Variants in PCDH7 observed in about 807,000 individuals in gnomAD.
PCDH7 encodes protocadherin-7.
Under a neutral mutation model 58.9 loss-of-function variants are expected in PCDH7, and 17 were observed. The ratio of observed to expected loss-of-function variants is 0.29; its 90% CI spans 0.20 to 0.43. The LOEUF (loss-of-function observed/expected upper bound fraction) is 0.43, where lower values mean the gene tolerates loss of function less well. Among genes scored for constraint, PCDH7 ranks in the 20% least tolerant of loss-of-function variants. The probability of loss-of-function intolerance (pLI) is 1.00; values close to 1 mark genes in which losing one functional copy is unlikely to be tolerated. For missense variants in PCDH7, 1,274 were observed against 1,441.0 expected (o/e 0.88, Z 1.88); for synonymous variants, 664 against 616.4 (o/e 1.08, Z -1.14).
chr4:31,119,256 C>G (rs1288816858), intron 3 of PCDH7, among the ~76,000 whole-genome samples: 2 of 152,038 alleles, frequency 1.3e-5, no homozygotes, highest in African/African-American at 4.8e-5. Context: ...TTACAACCTG[C>G]CCATACCTGT....
At chr4:30,726,161 G>A (rs1714585856) in intron 1 of PCDH7, among the ~76,000 whole-genome samples, 2 of 152,018 alleles carry the variant, frequency 1.3e-5, no homozygotes, top group African/African-American at 4.8e-5. Context: ...TTTTATTGGT[G>A]TTGTAAACAA....
intron 1 of PCDH7, among the ~76,000 whole-genome samples, chr4:30,727,271 A>G (rs919971426): frequency 3.9e-5 from 6 of 151,950 alleles, no homozygotes; most frequent in Non-Finnish European, 1.5e-5. Flanking sequence ...CTTCATGAAA[A>G]TTAGACATTT....
chr4:31,099,775 C>G (rs1471153252), intron 3 of PCDH7, among the ~76,000 whole-genome samples: 2 of 152,078 alleles, frequency 1.3e-5, no homozygotes, highest in African/African-American at 4.8e-5. Context: ...GCTCTTTCCT[C>G]AAACCAGATG....
intron 1 of PCDH7, among the ~76,000 whole-genome samples, chr4:30,812,288 C>T (rs1471596311): frequency 2.6e-5 from 4 of 152,128 alleles, no homozygotes; most frequent in African/African-American, 9.7e-5. Context: ...TCTTCACTTA[C>T]AAGTGATTAT....
intron 3 of PCDH7, among the ~76,000 whole-genome samples, chr4:31,037,804 C>T (rs982275238): frequency 6.6e-6 from 1 of 152,156 alleles, no homozygotes; most frequent in African/African-American, 2.4e-5. Context: ...GTGGTGTGGA[C>T]TTTGCTTTAA....
intron 1 of PCDH7, among the ~76,000 whole-genome samples, chr4:30,853,869 T>C (rs1168595310): frequency 6.6e-6 from 1 of 152,060 alleles, no homozygotes; most frequent in Non-Finnish European, 1.5e-5. Context: ...TCTGAGTAGA[T>C]ATGGAAGAAT....
chr4:30,902,344 C>A (rs1268358458), intron 1 of PCDH7, among the ~76,000 whole-genome samples: 1 of 152,062 alleles, frequency 6.6e-6, no homozygotes, highest in Non-Finnish European at 1.5e-5. Context: ...TAATAAATGT[C>A]ATCCCTAGTT....
Position 30,723,211 on chromosome 4 carries a change from C to T in PCDH7, c.1789C>T (p.Leu597=). 6.2e-7 allele frequency: 1 copy of T among 1,614,210 alleles called. No individual in the cohort carries two copies. Among genetic ancestry groups the T allele is most frequent in the Non-Finnish European group, 8.5e-7 (1 of 1,180,044 alleles). The change falls in exon 1 of 2, where the codon CTG becomes TTG. Residue 597 remains leucine (L), a synonymous_variant. Transcript: ENST00000361762. This position sits in a 1 kb window ranked among gnomAD's most constrained non-coding sequence, Gnocchi z 4.6. ...TGGGGACATCCTGGTCAATACCGTGCTGGACCGCGAGCAGACTGACAGGTA... is the reference window on the plus strand; with the variant it reads ...TGGGGACATCCTGGTCAATACCGTGTTGGACCGCGAGCAGACTGACAGGTA...
At chr4:30,904,298 G>GT (rs1740622465) in intron 1 of PCDH7, among the ~76,000 whole-genome samples, 1 of 152,134 alleles carries the variant, frequency 6.6e-6, no homozygotes. Flanking sequence ...GCAAATCAAT[G>GT]TTTGTTATGG....
chr4:30,947,917 C>T (rs1320753338), intron 2 of PCDH7, among the ~76,000 whole-genome samples: 1 of 152,072 alleles, frequency 6.6e-6, no homozygotes, highest in Admixed American at 6.6e-5. Context: ...TCCATGATTT[C>T]AACTTTTTTT....
intron 3 of PCDH7, among the ~76,000 whole-genome samples, chr4:31,006,359 A>G (rs891517314): frequency 1.3e-5 from 2 of 152,226 alleles, no homozygotes; most frequent in East Asian, 1.9e-4. Flanking sequence ...TTGAGCAGAT[A>G]AGGCAAAAAT....
At chr4:30,930,318 C>A (rs1357596812) in intron 2 of PCDH7, among the ~76,000 whole-genome samples, 7 of 152,048 alleles carry the variant, frequency 4.6e-5, no homozygotes, top group Admixed American at 4.6e-4. Flanking sequence ...CATTTGCCAA[C>A]CTTGGAAAAG....
exon 4 of PCDH7, chr4:31,142,660 G>A (rs1419626733): frequency 7.3e-7 from 1 of 1,367,594 alleles, no homozygotes; most frequent in Non-Finnish European, 9.8e-7. Flanking sequence ...CCAATGGGGA[G>A]GCCGCCATCA....
At chr4:30,880,538 T>A (rs1736832964) in intron 1 of PCDH7, among the ~76,000 whole-genome samples, 1 of 152,168 alleles carries the variant, frequency 6.6e-6, no homozygotes, top group Non-Finnish European at 1.5e-5. Flanking sequence ...AAGTTCTTTA[T>A]GCACTGAGGT....
chr4:31,023,334 C>A (rs536959734), intron 3 of PCDH7, among the ~76,000 whole-genome samples: 3 of 152,264 alleles, frequency 2.0e-5, no homozygotes, highest in South Asian at 2.1e-4. Context: ...GAGGCTCCTG[C>A]GTGTATTTTA....
chr4:30,866,905 C>A (rs761633507), intron 1 of PCDH7, among the ~76,000 whole-genome samples: 3 of 151,998 alleles, frequency 2.0e-5, no homozygotes, highest in Non-Finnish European at 4.4e-5. Flanking sequence ...TTTCCTTTTT[C>A]TTTTCCTTTC....
At chr4:30,775,967 C>T (rs894538330) in intron 1 of PCDH7, among the ~76,000 whole-genome samples, 6 of 152,018 alleles carry the variant, frequency 3.9e-5, no homozygotes, top group South Asian at 4.1e-4. Flanking sequence ...TAACGCTTGG[C>T]GATTTTTCAT....
intron 3 of PCDH7, among the ~76,000 whole-genome samples, chr4:31,073,379 A>G (rs754688115): frequency 3.9e-5 from 6 of 152,212 alleles, no homozygotes; most frequent in Non-Finnish European, 8.8e-5. Flanking sequence ...TAGACCAAGT[A>G]GAGATTATAA....
At position 31,038,497 on chromosome 4, in the gene PCDH7, T is replaced by G. The variant is rs535758279; in HGVS notation, c.*7+88282T>G. ...CTATTTGAGATGGAATAAGAAATTA[T>G]AAAGCAGAAAATAAATAGAGTTTAC... On this transcript the variant is annotated intron_variant, in intron 3 of 3. Transcript: ENST00000509759. Among the ~76,000 whole-genome samples the G allele has an allele frequency of 1.2e-3, 176 of 152,246 alleles. 2 individuals are homozygous for G. The South Asian group carries it at 0.018, about 16-fold the overall frequency.
Sources: gnomAD v4.1 joint callset for allele counts (sites outside exome capture counted in the v4.1 genomes callset) on GRCh38, gnomAD v4.1.1 for gene constraint, Gnocchi (gnomAD v3.1) non-coding constraint, MANE v1.5 for transcripts, NCBI Gene and HGNC (gene_info 2026-07-23, HGNC 2026-07-21) for gene names.